CCDC141: variants seen among roughly 807,000 people sequenced by gnomAD.
CCDC141 encodes the protein coiled-coil domain-containing protein 141.
CCDC141 carries 168 observed loss-of-function variants against 181.0 expected under a neutral mutation model. The observed-to-expected ratio is 0.93, with a 90% CI of 0.82 to 1.05. The LOEUF is 1.05. Ranked by LOEUF, CCDC141 falls within the 50% of genes least tolerant of loss-of-function variation. CCDC141 has a pLI of 0.00. For synonymous variants in CCDC141, 666 were observed against 642.3 expected (o/e 1.04, Z -0.56); for missense variants, 1,902 against 1,788.5 (o/e 1.06, Z -1.14).
chr2:178,972,362 T>C (rs1351942309), intron 4 of CCDC141, among the ~76,000 whole-genome samples: 1 of 152,204 alleles, frequency 6.6e-6, no homozygotes, highest in Admixed American at 6.5e-5. Flanking sequence ...AAATATACTT[T>C]GGGTTAGACA....
At chr2:178,947,283 G>GT (rs1324399572) in intron 5 of CCDC141, among the ~76,000 whole-genome samples, 6 of 152,120 alleles carry the variant, frequency 3.9e-5, no homozygotes, top group African/African-American at 1.4e-4. Flanking sequence ...AGCCTGAGTG[G>GT]TAAGTACAGT....
Position 178,918,708 on chromosome 2 carries a change from C to T in CCDC141, c.1092+5G>A. The T allele has an allele frequency of 2.6e-6, 4 of 1,549,246 alleles. No homozygotes were observed. Among genetic ancestry groups the T allele is most frequent in the Non-Finnish European group, 3.5e-6 (4 of 1,146,072 alleles). ...CGAAAATTATCAACTTGACCTCACACTGACCTTGTTAGCACTGTTAAAAAA... is the reference window on the plus strand; with the variant it reads ...CGAAAATTATCAACTTGACCTCACATTGACCTTGTTAGCACTGTTAAAAAA... On this transcript the variant is annotated splice_donor_5th_base_variant and intron_variant, in intron 7 of 23. Coordinates refer to ENST00000443758, the MANE Select transcript of CCDC141 (RefSeq NM_173648.4).
At chr2:178,856,525 C>A in intron 17 of CCDC141, 128 bp from the exon 18 acceptor site, 1 of 483,984 alleles carries the variant, frequency 2.1e-6, no homozygotes. Flanking sequence ...GGTAATTTTC[C>A]CTCCCTCCCT....
intron 4 of CCDC141, among the ~76,000 whole-genome samples, chr2:178,973,334 C>T (rs1690982811): frequency 6.6e-6 from 1 of 152,154 alleles, no homozygotes. Flanking sequence ...GGCACAAACT[C>T]TCACAATAAA....
the CCDC141 span, among the ~76,000 whole-genome samples, chr2:178,821,354 T>C: frequency 6.6e-6 from 1 of 152,214 alleles, no homozygotes; most frequent in African/African-American, 2.4e-5. Flanking sequence ...ATCTGTCTTC[T>C]GCTTCCCAGG....
intron 7 of CCDC141, among the ~76,000 whole-genome samples, chr2:178,916,565 A>C (rs1388998367): frequency 6.6e-6 from 1 of 152,048 alleles, no homozygotes; most frequent in African/African-American, 2.4e-5. Context: ...TAAAAAATTC[A>C]TTTCAACAGT....
At chr2:179,041,494 T>G (rs944783864) in intron 2 of CCDC141, among the ~76,000 whole-genome samples, 2 of 102,742 alleles carry the variant, frequency 1.9e-5, no homozygotes, top group African/African-American at 6.8e-5. Context: ...GTTGTGGGTT[T>G]TTTTTTTTTT....
chr2:179,042,616 G>A (rs140016549), intron 2 of CCDC141, among the ~76,000 whole-genome samples: 205 of 152,274 alleles, frequency 1.3e-3, no homozygotes, highest in African/African-American at 4.7e-3. Context: ...CCAAAGTGCT[G>A]GGATTACAGG....
Position 178,997,808 on chromosome 2 carries a change from G to A in CCDC141, c.226-19133C>T, listed in dbSNP as rs535015689. On this transcript the variant is annotated intron_variant, in intron 2 of 23. Coordinates refer to ENST00000443758, the MANE Select transcript of CCDC141 (RefSeq NM_173648.4). ...AATTCTTTTAGCAATTTCATAAGAT[G>A]TGTATACTATGGAATTTAAATCAGG... Among the ~76,000 whole-genome samples the A allele has an allele frequency of 2.6e-5, 4 of 152,274 alleles. No homozygotes were observed. The South Asian group carries it at 8.3e-4, about 32-fold the overall frequency.
chr2:179,035,240 A>G (rs1252143039), intron 2 of CCDC141, among the ~76,000 whole-genome samples: 1 of 152,088 alleles, frequency 6.6e-6, no homozygotes, highest in Non-Finnish European at 1.5e-5. Flanking sequence ...ACCTCTCATA[A>G]ATTCAGAATT....
downstream of CCDC141, among the ~76,000 whole-genome samples, chr2:178,828,443 T>C (rs1684156762): frequency 6.6e-6 from 1 of 152,210 alleles, no homozygotes; most frequent in African/African-American, 2.4e-5. Context: ...GAAGCATTCT[T>C]ATTTAATCTA....
chr2:178,891,561 G>T (rs977547899), intron 8 of CCDC141, among the ~76,000 whole-genome samples: 2 of 151,192 alleles, frequency 1.3e-5, no homozygotes, highest in Non-Finnish European at 3.0e-5. Flanking sequence ...TTTGAAACTG[G>T]CTGGCTTTTC....
intron 22 of CCDC141, among the ~76,000 whole-genome samples, chr2:178,840,520 T>A (rs1213135209): frequency 2.0e-5 from 3 of 152,224 alleles, no homozygotes; most frequent in African/African-American, 7.2e-5. Context: ...AAGAAGGTAC[T>A]GAGCATGCTC....
chr2:178,881,099 A>G (rs2154370066), intron 11 of CCDC141, among the ~76,000 whole-genome samples: 1 of 152,342 alleles, frequency 6.6e-6, no homozygotes, highest in East Asian at 1.9e-4. Context: ...CAAGAATTCT[A>G]TGACCCACCA....
chr2:178,996,220 G>C (rs139227042), intron 2 of CCDC141, among the ~76,000 whole-genome samples: 2,674 of 151,900 alleles, frequency 0.018, 63 homozygotes, highest in African/African-American at 0.056. Flanking sequence ...TGGGATTACA[G>C]GCATGCACCA....
chr2:178,856,494 T>C lies in CCDC141; in HGVS notation c.2725-97A>G, dbSNP rs144864994. The C allele has an allele frequency of 4.9e-4, 431 of 880,070 alleles. 2 individuals are homozygous for C. The African/African-American group carries it at 6.5e-3, about 13-fold the overall frequency. 54.5% of individuals were successfully genotyped at this position (880,070 alleles called of 1,614,324 possible). A position where few individuals can be genotyped will look rare whatever the true frequency, so the allele number is the denominator to read the frequency against. Reference sequence around the variant, plus strand: ...GCATCTGAACACTTCAAAATACTCATAATCTTAAAAAGGTATTTAGGGTAA... The same window carrying C: ...GCATCTGAACACTTCAAAATACTCACAATCTTAAAAAGGTATTTAGGGTAA... On this transcript the variant is annotated intron_variant, in intron 17 of 23. Coordinates refer to ENST00000443758, the MANE Select transcript of CCDC141 (RefSeq NM_173648.4).
chr2:178,843,821 G>A (rs1254933499), intron 22 of CCDC141, among the ~76,000 whole-genome samples: 1 of 152,114 alleles, frequency 6.6e-6, no homozygotes, highest in Non-Finnish European at 1.5e-5. Flanking sequence ...CAGACAATAA[G>A]AGGGTAAATG....
chr2:178,916,343 T>C (rs1013146064), intron 7 of CCDC141, among the ~76,000 whole-genome samples: 3 of 152,078 alleles, frequency 2.0e-5, no homozygotes, highest in African/African-American at 4.8e-5. Context: ...TTATTTAAAC[T>C]AGGGCTATAA....
intron 23 of CCDC141, 45 bp from the exon 24 acceptor site, chr2:178,834,485 C>T (rs898939578): frequency 3.8e-5 from 58 of 1,525,764 alleles, no homozygotes; most frequent in Non-Finnish European, 4.9e-5. Context: ...GCTGTTTATT[C>T]ACATTATTTC....
Sources: gnomAD v4.1 joint callset for allele counts (sites outside exome capture counted in the v4.1 genomes callset) on GRCh38, gnomAD v4.1.1 for gene constraint, MANE v1.5 for transcripts, NCBI Gene and HGNC (gene_info 2026-07-23, HGNC 2026-07-21) for gene names.